Variants in SYT13 observed in about 807,000 individuals in gnomAD.
The protein encoded by SYT13 is synaptotagmin-13.
Under a neutral mutation model 38.6 loss-of-function variants are expected in SYT13, and 21 were observed. That is an observed-to-expected ratio of 0.54 (90% CI 0.39 to 0.78). The LOEUF (loss-of-function observed/expected upper bound fraction) is 0.78. Ranked by LOEUF, SYT13 falls within the 30% of genes least tolerant of loss-of-function variation. The pLI is 0.00. For missense variants in SYT13, 495 were observed against 548.7 expected, an observed-to-expected ratio of 0.90 and a Z score of 0.98; for synonymous variants, 241 against 237.6, an observed-to-expected ratio of 1.01 and a Z score of -0.13.
intron 1 of SYT13, among the ~76,000 whole-genome samples, chr11:45,284,095 G>C (rs1855106882): frequency 6.6e-6 from 1 of 152,084 alleles, no homozygotes; most frequent in East Asian, 1.9e-4. Flanking sequence ...AAAAATGAAG[G>C]GGCAGAAAAG....
intron 1 of SYT13, among the ~76,000 whole-genome samples, chr11:45,272,488 G>A (rs1242681067): frequency 1.3e-5 from 2 of 152,204 alleles, no homozygotes; most frequent in Non-Finnish European, 1.5e-5. Context: ...TGGCCATTAA[G>A]GTGCTGCTTC....
intron 1 of SYT13, among the ~76,000 whole-genome samples, chr11:45,273,253 G>A (rs918431641): frequency 3.3e-5 from 5 of 152,308 alleles, no homozygotes; most frequent in Non-Finnish European, 4.4e-5. Flanking sequence ...ACAGGGTGCC[G>A]AAGGGAGACA....
intron 1 of SYT13, among the ~76,000 whole-genome samples, chr11:45,277,504 T>C (rs1855024114): frequency 6.6e-6 from 1 of 152,198 alleles, no homozygotes; most frequent in African/African-American, 2.4e-5. Context: ...AATAAATCTG[T>C]CTATGGTCTA....
At chr11:45,281,660 C>G (rs1855075059) in intron 1 of SYT13, among the ~76,000 whole-genome samples, 1 of 108,104 alleles carries the variant, frequency 9.3e-6, no homozygotes, top group African/African-American at 3.4e-5. Context: ...GAGTGAGACT[C>G]TGCCTCAAAA....
At chr11:45,275,683 T>C (rs570581377) in intron 1 of SYT13, among the ~76,000 whole-genome samples, 1 of 152,320 alleles carries the variant, frequency 6.6e-6, no homozygotes, top group South Asian at 2.1e-4. Flanking sequence ...AGGTTCATTG[T>C]GTGGGCAGCA....
chr11:45,263,534 A>G (rs566020711), intron 1 of SYT13, among the ~76,000 whole-genome samples: 1 of 152,280 alleles, frequency 6.6e-6, no homozygotes, highest in African/African-American at 2.4e-5. Context: ...ACTTTAAAAA[A>G]GGGGAGGGCA....
At chr11:45,263,984 C>T (rs563420060) in intron 1 of SYT13, among the ~76,000 whole-genome samples, 4 of 152,272 alleles carry the variant, frequency 2.6e-5, no homozygotes, top group East Asian at 3.9e-4. Context: ...CGACAAATGT[C>T]GGCAATATTT....
Position 45,252,746 on chromosome 11 carries a change from G to A in SYT13, c.545-24C>T, listed in dbSNP as rs1035616410. The A allele has an allele frequency of 1.8e-5, 27 of 1,533,514 alleles. No homozygotes were observed. Among genetic ancestry groups the A allele is most frequent in the Non-Finnish European group, 2.3e-5 (26 of 1,135,278 alleles). The allele number at this position is 1,533,514 out of a possible 1,614,324, so 95.0% of individuals were successfully genotyped here. A position where few individuals can be genotyped will look rare whatever the true frequency, so the allele number is the denominator to read the frequency against. ...AGCTGCAGGCAAGGAGAACAACACA[G>A]GCGTGGGACTTTCTGAGGACAAGTG... On this transcript the variant is annotated intron_variant, in intron 3 of 5. Coordinates refer to ENST00000020926, the MANE Select transcript of SYT13 (RefSeq NM_020826.3). This position sits in a 1 kb window ranked among gnomAD's most constrained non-coding sequence, Gnocchi z 4.3.
intron 4 of SYT13, among the ~76,000 whole-genome samples, chr11:45,248,451 A>C (rs1404161480): frequency 6.6e-6 from 1 of 152,216 alleles, no homozygotes; most frequent in Non-Finnish European, 1.5e-5. Context: ...TCAGATTCAG[A>C]AAGGGAACAT....
intron 1 of SYT13, among the ~76,000 whole-genome samples, chr11:45,273,257 G>A (rs1854971817): frequency 6.6e-6 from 1 of 152,176 alleles, no homozygotes; most frequent in Admixed American, 6.5e-5. Context: ...GGTGCCGAAG[G>A]GAGACAGTGG....
intron 4 of SYT13, among the ~76,000 whole-genome samples, chr11:45,249,469 T>C (rs184559515): frequency 2.1e-4 from 32 of 152,356 alleles, no homozygotes; most frequent in Admixed American, 1.2e-3. Flanking sequence ...ATTGCAGCAC[T>C]ATTCACAATA....
chr11:45,245,402 G>A (rs967853414), intron 5 of SYT13, among the ~76,000 whole-genome samples: 2 of 152,192 alleles, frequency 1.3e-5, no homozygotes, highest in African/African-American at 4.8e-5. Flanking sequence ...GTCCTGACAG[G>A]AGCTATAAAA....
In SYT13 at chr11:45,244,253, G is replaced by C. The variant is rs1475590024; in HGVS notation, c.1080C>G (p.Ile360Met). ...GCAGGTCGTCAGGCAGCTCAAACATGATCATCTCGTTCCACACGGGGTTGA... is the reference window on the plus strand; with the variant it reads ...GCAGGTCGTCAGGCAGCTCAAACATCATCATCTCGTTCCACACGGGGTTGA... The part of the protein sequence containing the change: ...HKINPVWNEM[I>M]MFELPDDLLQ... Residue 360 changes from isoleucine to methionine, a missense_variant, in exon 6 of 6, where the codon ATC becomes ATG. Transcript: ENST00000020926. 1 of 1,613,912 alleles carries C rather than the reference G, an allele frequency of 6.2e-7. No individual in the cohort carries two copies. Among genetic ancestry groups the C allele is most frequent in the African/African-American group, 1.3e-5 (1 of 74,928 alleles).
chr11:45,250,859 G>A (rs1299889052), intron 4 of SYT13, among the ~76,000 whole-genome samples: 3 of 152,156 alleles, frequency 2.0e-5, no homozygotes, highest in Non-Finnish European at 4.4e-5. Flanking sequence ...CCTCATATTT[G>A]TCAGGTGGCT....
chr11:45,244,226 C>T lies in SYT13; in HGVS notation c.1107G>A (p.Leu369=). 1 of 1,614,038 alleles carries T rather than the reference C, an allele frequency of 6.2e-7. No homozygotes were observed. Among genetic ancestry groups the T allele is most frequent in the Non-Finnish European group, 8.5e-7 (1 of 1,180,042 alleles). The change falls in exon 6 of 6, where the codon CTG becomes CTA. Residue 369 remains leucine, a synonymous_variant. Transcript: ENST00000020926. ...CTTCCAGCTCCACACTGGAGGCCTG[C>T]AGCAGGTCGTCAGGCAGCTCAAACA... is the stretch of plus-strand genomic sequence containing the variant. ...MIMFELPDDL[L]QASSVELEVL...
intron 1 of SYT13, among the ~76,000 whole-genome samples, chr11:45,259,604 C>T (rs1013019466): frequency 6.6e-6 from 1 of 152,160 alleles, no homozygotes; most frequent in Non-Finnish European, 1.5e-5. Flanking sequence ...CATTCCCTCT[C>T]CCATCTACCC....
At chr11:45,260,790 G>A (rs1451815508) in intron 1 of SYT13, among the ~76,000 whole-genome samples, 3 of 152,098 alleles carry the variant, frequency 2.0e-5, no homozygotes, top group Admixed American at 6.6e-5. Flanking sequence ...TAGATTCTCC[G>A]CCTCACCTGT....
At chr11:45,283,981 G>A (rs2135914224) in intron 1 of SYT13, among the ~76,000 whole-genome samples, 1 of 152,368 alleles carries the variant, frequency 6.6e-6, no homozygotes, top group South Asian at 2.1e-4. Flanking sequence ...ATAACAGGAA[G>A]AGGGTGTTTT....
chr11:45,269,523 A>G, intron 1 of SYT13: 1 of 1,259,026 alleles, frequency 7.9e-7, no homozygotes, highest in Non-Finnish European at 1.0e-6. Context: ...AATGCACAAC[A>G]CAAACTTTAT....
Sources: gnomAD v4.1 joint callset for allele counts (sites outside exome capture counted in the v4.1 genomes callset) on GRCh38, gnomAD v4.1.1 for gene constraint, Gnocchi (gnomAD v3.1) non-coding constraint, MANE v1.5 for transcripts, NCBI Gene and HGNC (gene_info 2026-07-23, HGNC 2026-07-21) for gene names.